The following USP25 variants were observed in gnomAD, a reference collection of about 807,000 sequenced individuals.
USP25 encodes the protein ubiquitin carboxyl-terminal hydrolase 25.
Under a neutral mutation model 158.5 loss-of-function variants are expected in USP25, and 85 were observed. The observed-to-expected ratio is 0.54, with a 90% CI of 0.45 to 0.64. The LOEUF (loss-of-function observed/expected upper bound fraction) is 0.64, where lower values mean the gene tolerates loss of function less well. USP25 is among the 30% of genes least tolerant of loss of function. The probability of loss-of-function intolerance (pLI) is 0.00; values close to 1 mark genes in which losing one functional copy is unlikely to be tolerated. For synonymous variants in USP25, 464 were observed against 460.4 expected, an observed-to-expected ratio of 1.01 and a Z score of -0.10; for missense variants, 1,242 against 1,327.3, an observed-to-expected ratio of 0.94 and a Z score of 1.00.
At chr21:15,833,165 T>A (rs1453244256) in intron 16 of USP25, among the ~76,000 whole-genome samples, 183 bp from the exon 17 acceptor site, 3 of 152,190 alleles carry the variant, frequency 2.0e-5, no homozygotes, top group African/African-American at 7.2e-5. Context: ...AGCATTTGTT[T>A]GAGTTTTAAA....
intron 4 of USP25, among the ~76,000 whole-genome samples, chr21:15,778,472 A>G (rs1374294235): frequency 1.3e-5 from 2 of 152,114 alleles, no homozygotes; most frequent in African/African-American, 4.8e-5. Flanking sequence ...TAAATAATAT[A>G]ATGAGCTTGG....
At chr21:15,751,693 A>G (rs1395158815) in intron 1 of USP25, among the ~76,000 whole-genome samples, 1 of 152,228 alleles carries the variant, frequency 6.6e-6, no homozygotes, top group Non-Finnish European at 1.5e-5. Context: ...CTCTAATTTA[A>G]AAACAGACTG....
intron 1 of USP25, among the ~76,000 whole-genome samples, chr21:15,760,209 G>A (rs1454279306): frequency 1.3e-5 from 2 of 152,190 alleles, no homozygotes; most frequent in African/African-American, 4.8e-5. Flanking sequence ...GCTTTGTGAG[G>A]CTTTTGTAAG....
chr21:15,738,788 A>C (rs1051318854), intron 1 of USP25, among the ~76,000 whole-genome samples: 13 of 152,174 alleles, frequency 8.5e-5, no homozygotes, highest in Non-Finnish European at 1.3e-4. Flanking sequence ...GCCCAGGGCC[A>C]CACCCTGGGC....
chr21:15,827,766 G>A (rs1165159491), intron 14 of USP25, among the ~76,000 whole-genome samples: 8 of 38,816 alleles, frequency 2.1e-4, no homozygotes, highest in African/African-American at 1.1e-3. Flanking sequence ...GTGCGTGTGC[G>A]TGTGTGTGTG....
chr21:15,831,493 A>G lies in USP25; in HGVS notation c.1857A>G (p.Arg619=). Residue 619 remains arginine, a synonymous_variant, in exon 16 of 26, where the codon AGA becomes AGG. Coordinates refer to ENST00000400183, the MANE Select transcript of USP25 (RefSeq NM_001283041.3). ...WAYIFDHRES[R]WMKYNDIAVT... is the part of the protein sequence containing the mutation. Reference sequence around the variant, plus strand: ...ATATTTTTGATCATCGTGAAAGCAGATGGATGAAGTACAATGATATTGCTG... The same window carrying G: ...ATATTTTTGATCATCGTGAAAGCAGGTGGATGAAGTACAATGATATTGCTG... 1 of 1,614,128 alleles carries G rather than the reference A, an allele frequency of 6.2e-7. No individual in the cohort carries two copies. Among genetic ancestry groups the G allele is most frequent in the Non-Finnish European group, 8.5e-7 (1 of 1,179,976 alleles).
At chr21:15,799,576 G>A (rs113436851) in intron 5 of USP25, 181 bp from the exon 6 acceptor site, 6 of 432,210 alleles carry the variant, frequency 1.4e-5, no homozygotes, top group African/African-American at 2.0e-5. Context: ...TATCAAGAAT[G>A]GTATGTCAAA....
chr21:15,850,429 C>A (rs1441347453), intron 20 of USP25, among the ~76,000 whole-genome samples: 1 of 151,962 alleles, frequency 6.6e-6, no homozygotes, highest in Non-Finnish European at 1.5e-5. Flanking sequence ...TTACCCACAT[C>A]TTTTTCCCTC....
chr21:15,857,545 G>A (rs1408994601), intron 20 of USP25, among the ~76,000 whole-genome samples: 2 of 151,754 alleles, frequency 1.3e-5, no homozygotes, highest in Admixed American at 1.3e-4. Context: ...TTTGGCAATT[G>A]GTATTTATGT....
rs1211954644 is a variant in USP25 at position 15,870,207 on chromosome 21, T to A, written c.2885+60T>A. ...ATTTTTGCACTTAATTCTATTCAGG[T>A]GTGACCTCATCCATGGAAAAGATTT... On this transcript the variant is annotated intron_variant, in intron 23 of 25. Coordinates refer to ENST00000400183, the MANE Select transcript of USP25 (RefSeq NM_001283041.3). The A allele has an allele frequency of 9.7e-6, 11 of 1,134,848 alleles. No homozygotes were observed. In the Admixed American group the frequency reaches 2.5e-4, roughly 25 times the overall value. The allele number at this position is 1,134,848 out of a possible 1,614,324, so 70.3% of individuals were successfully genotyped here.
chr21:15,742,206 T>C (rs2032125583), intron 1 of USP25, among the ~76,000 whole-genome samples: 1 of 152,102 alleles, frequency 6.6e-6, no homozygotes. Flanking sequence ...GTTTTTGTTG[T>C]TGCTGTTCAG....
intron 20 of USP25, among the ~76,000 whole-genome samples, chr21:15,850,145 A>AT (rs1356796137): frequency 6.6e-6 from 1 of 152,020 alleles, no homozygotes; most frequent in Non-Finnish European, 1.5e-5. Context: ...TTTGAATTGT[A>AT]TTTTTTATTT....
intron 2 of USP25, 64 bp from the exon 3 acceptor site, chr21:15,765,933 A>C: frequency 6.5e-7 from 1 of 1,528,330 alleles, no homozygotes; most frequent in Non-Finnish European, 8.8e-7. Context: ...AGAATATTGT[A>C]TAACTTTTTT....
chr21:15,839,819 A>T (rs1040145637), intron 17 of USP25, among the ~76,000 whole-genome samples: 1 of 152,106 alleles, frequency 6.6e-6, no homozygotes, highest in Non-Finnish European at 1.5e-5. Flanking sequence ...TCTATTGCAT[A>T]TAGGAAATTT....
At chr21:15,831,329 G>T (rs12482695) in intron 15 of USP25, 72 bp from the exon 16 acceptor site, 54,661 of 1,406,546 alleles carry the variant, frequency 0.039, 1,486 homozygotes, top group Admixed American at 0.11. Context: ...CAGGTTGTTT[G>T]TGGGTTTCAT....
intron 1 of USP25, among the ~76,000 whole-genome samples, chr21:15,730,764 T>C (rs192092523): frequency 1.1e-3 from 162 of 152,314 alleles, no homozygotes; most frequent in African/African-American, 3.8e-3. Flanking sequence ...TCCCCTTAAA[T>C]GAGAAAGAAT....
At chr21:15,738,814 C>T (rs998450652) in intron 1 of USP25, among the ~76,000 whole-genome samples, 3 of 152,152 alleles carry the variant, frequency 2.0e-5, no homozygotes, top group African/African-American at 7.2e-5. Context: ...AGTTAAAGAT[C>T]GACCCCTGAC....
At chr21:15,740,447 T>G (rs573087430) in intron 1 of USP25, among the ~76,000 whole-genome samples, 6 of 152,288 alleles carry the variant, frequency 3.9e-5, no homozygotes, top group African/African-American at 1.4e-4. Flanking sequence ...GCAACATGTT[T>G]CCTTGTAGAG....
At chr21:15,754,831 G>A (rs1325644502) in intron 1 of USP25, among the ~76,000 whole-genome samples, 1 of 152,190 alleles carries the variant, frequency 6.6e-6, no homozygotes, top group Non-Finnish European at 1.5e-5. Context: ...TGACTCAGGA[G>A]ATTTTTTCTT....
Sources: gnomAD v4.1 joint callset for allele counts (sites outside exome capture counted in the v4.1 genomes callset) on GRCh38, gnomAD v4.1.1 for gene constraint, MANE v1.5 for transcripts, NCBI Gene and HGNC (gene_info 2026-07-23, HGNC 2026-07-21) for gene names.